Variants in ABCA13 observed in about 807,000 individuals in gnomAD.
ABCA13 encodes the protein ATP binding cassette subfamily A member 13.
ABCA13 carries 476 observed loss-of-function variants against 478.7 expected under a neutral mutation model. The ratio of observed to expected loss-of-function variants is 0.99; its 90% CI spans 0.92 to 1.07. ABCA13 has a LOEUF of 1.07. Among genes scored for constraint, ABCA13 ranks in the 50% least tolerant of loss-of-function variants. The pLI is 0.00. For missense variants in ABCA13, 6,060 were observed against 5,910.6 expected (o/e 1.03, Z -0.83); for synonymous variants, 2,252 against 2,158.9 (o/e 1.04, Z -1.20).
intron 55 of ABCA13, among the ~76,000 whole-genome samples, chr7:48,567,568 A>C (rs963122879): frequency 1.2e-4 from 18 of 152,058 alleles, no homozygotes; most frequent in Admixed American, 2.6e-4. Flanking sequence ...TAATGTGTGG[A>C]GATTACCAAC....
At chr7:48,454,289 A>T (rs1235255609) in intron 42 of ABCA13, among the ~76,000 whole-genome samples, 13 of 152,174 alleles carry the variant, frequency 8.5e-5, no homozygotes. Flanking sequence ...TGGACAGAAA[A>T]GCTGCTCTCC....
At chr7:48,510,950 C>T (rs79049090) in intron 50 of ABCA13, 134 bp from the exon 51 acceptor site, 25,070 of 704,810 alleles carry the variant, frequency 0.036, 607 homozygotes, top group East Asian at 0.069. Context: ...ACTAATTCCA[C>T]GGCTACAGAA....
intron 20 of ABCA13, among the ~76,000 whole-genome samples, chr7:48,292,444 C>T (rs1798669907): frequency 6.6e-6 from 1 of 152,110 alleles, no homozygotes. Context: ...AATGCGGTAG[C>T]CAGAGTGACC....
At chr7:48,183,853 T>C (rs1719039779) in intron 1 of ABCA13, among the ~76,000 whole-genome samples, 1 of 152,184 alleles carries the variant, frequency 6.6e-6, no homozygotes, top group Admixed American at 6.5e-5. Context: ...TCGCAAGTAA[T>C]GTTGTGTAAA....
At chr7:48,374,282 G>A (rs1813107484) in intron 33 of ABCA13, 65 bp from the exon 34 acceptor site, 4 of 1,453,512 alleles carry the variant, frequency 2.8e-6, no homozygotes, top group Non-Finnish European at 3.8e-6. Context: ...ATTAAGTGTT[G>A]TGGATTTTCT....
intron 38 of ABCA13, among the ~76,000 whole-genome samples, chr7:48,393,078 T>A (rs1377797611): frequency 6.6e-6 from 1 of 152,084 alleles, no homozygotes; most frequent in Non-Finnish European, 1.5e-5. Context: ...CATTGGACAT[T>A]GATAGAAGTT....
chr7:48,406,384 G>T (rs1334005656), intron 39 of ABCA13, among the ~76,000 whole-genome samples: 1 of 152,154 alleles, frequency 6.6e-6, no homozygotes, highest in Non-Finnish European at 1.5e-5. Context: ...CATCTCATAG[G>T]ATGTGAGAGG....
At chr7:48,561,769 T>C (rs1478146756) in intron 55 of ABCA13, among the ~76,000 whole-genome samples, 1 of 152,078 alleles carries the variant, frequency 6.6e-6, no homozygotes, top group East Asian at 1.9e-4. Flanking sequence ...ATTGCTTGAG[T>C]TTTTGGAGTC....
rs769329816 is a variant in ABCA13, at chr7:48,239,391, C to G, written c.1048C>G (p.Arg350Gly). The G allele has an allele frequency of 6.2e-7, 1 of 1,612,796 alleles. No individual in the cohort carries two copies. Among genetic ancestry groups the G allele is most frequent in the East Asian group, 2.2e-5 (1 of 44,856 alleles). ...NYLVHAVSWL[R>G]VYQQVFVQWQ... ...TCTTGTCCATGCAGTCAGCTGGCTG[C>G]GAGTCTACCAACAGGTGCTGTCCCC... is the stretch of plus-strand genomic sequence containing the variant. Residue 350 changes from arginine to glycine, a missense_variant, in exon 9 of 62, where the codon CGA (arginine) becomes GGA (glycine). Arg to Gly is a moderately radical substitution (Grantham distance 125). This residue lies in a region of ABCA13 where 4,423 missense variants were observed against 4,309.1 expected (regional missense o/e 1.03). Coordinates refer to ENST00000435803, the MANE Select transcript of ABCA13 (RefSeq NM_152701.5).
At chr7:48,212,968 G>A (rs1430393061) in intron 3 of ABCA13, among the ~76,000 whole-genome samples, 1 of 151,752 alleles carries the variant, frequency 6.6e-6, no homozygotes, top group Non-Finnish European at 1.5e-5. Context: ...TGCTTTTTGT[G>A]TTTTTCTTTA....
intron 59 of ABCA13, among the ~76,000 whole-genome samples, chr7:48,631,527 C>T (rs1402750859): frequency 6.6e-6 from 1 of 151,992 alleles, no homozygotes; most frequent in African/African-American, 2.4e-5. Flanking sequence ...TGTTTTTGTA[C>T]CAGTACCATG....
chr7:48,391,220 C>T (rs1231801727), intron 37 of ABCA13, among the ~76,000 whole-genome samples: 1 of 152,040 alleles, frequency 6.6e-6, no homozygotes, highest in Admixed American at 6.6e-5. Context: ...CTCTGTTTTG[C>T]TTATATTTAA....
At chr7:48,361,768 C>T (rs1169527238) in intron 31 of ABCA13, among the ~76,000 whole-genome samples, 4 of 151,722 alleles carry the variant, frequency 2.6e-5, no homozygotes, top group Non-Finnish European at 4.4e-5. Context: ...GTACAGGTTT[C>T]TATTTTCTCT....
At chr7:48,314,543 C>T (rs1441304874) in intron 26 of ABCA13, 134 bp downstream of exon 26, 2 of 829,092 alleles carry the variant, frequency 2.4e-6, no homozygotes, top group Non-Finnish European at 3.6e-6. Context: ...CTTCCACCTC[C>T]CCAAATGCTG....
At chr7:48,293,380 G>A (rs993618520) in intron 20 of ABCA13, among the ~76,000 whole-genome samples, 1 of 152,170 alleles carries the variant, frequency 6.6e-6, no homozygotes, top group African/African-American at 2.4e-5. Context: ...AAGAGAAATT[G>A]ACAGTGGTTT....
chr7:48,259,582 G>T (rs1016286560), intron 15 of ABCA13, among the ~76,000 whole-genome samples: 1 of 151,900 alleles, frequency 6.6e-6, no homozygotes, highest in Non-Finnish European at 1.5e-5. Context: ...ATTGGAGCAT[G>T]CATAGTTTTA....
At chr7:48,312,165 A>G (rs1801875651) in intron 24 of ABCA13, among the ~76,000 whole-genome samples, 1 of 152,190 alleles carries the variant, frequency 6.6e-6, no homozygotes, top group South Asian at 2.1e-4. Flanking sequence ...CTGCAGAGCT[A>G]ACAGCTAAAA....
rs994793221 is a variant in ABCA13, at chr7:48,296,663, C to T, written c.9120-569C>T. Among the ~76,000 whole-genome samples, 6 of 151,904 alleles carry T rather than the reference C, an allele frequency of 3.9e-5. No homozygotes were observed. The East Asian group carries it at 7.8e-4, about 20-fold the overall frequency. On this transcript the variant is annotated intron_variant, in intron 21 of 61. Coordinates refer to ENST00000435803, the MANE Select transcript of ABCA13 (RefSeq NM_152701.5). ...TATTTTAATAGAGATGGGGTTTCAC[C>T]GTGTTAGCCAGGATGGTCTCCATCT...
chr7:48,454,863 C>T (rs551476621), intron 42 of ABCA13, among the ~76,000 whole-genome samples, 174 bp from the exon 43 acceptor site: 1 of 152,358 alleles, frequency 6.6e-6, no homozygotes, highest in East Asian at 1.9e-4. Context: ...CAAGGCCCAG[C>T]TTCCGCACTT....
Sources: allele counts gnomAD v4.1 joint callset (sites outside exome capture counted in the v4.1 genomes callset), GRCh38; gene constraint gnomAD v4.1.1; regional missense constraint gnomAD v4.1.1; transcripts MANE v1.5; gene names NCBI Gene and HGNC (gene_info 2026-07-23, HGNC 2026-07-21).